The following PARG variants were observed in gnomAD, a reference collection of about 807,000 sequenced individuals.
The protein encoded by PARG is poly(ADP-ribose) glycohydrolase, also known as mitochondrial poly(ADP-ribose) glycohydrolase.
A neutral mutation model predicts 113.0 loss-of-function variants in PARG; 35 were observed. The ratio of observed to expected loss-of-function variants is 0.31; its 90% CI spans 0.24 to 0.41. PARG has a LOEUF of 0.41. Among genes scored for constraint, PARG ranks in the 10% least tolerant of loss-of-function variants. The probability of loss-of-function intolerance (pLI) is 1.00; values close to 1 mark genes in which losing one functional copy is unlikely to be tolerated. For missense variants in PARG, 797 were observed against 1,169.4 expected, an observed-to-expected ratio of 0.68 and a Z score of 4.64; for synonymous variants, 330 against 409.9, an observed-to-expected ratio of 0.81 and a Z score of 2.36.
chr10:49,892,192 GACAAAAAAGGCATTTTTT>G (rs1170488271), intron 7 of PARG, among the ~76,000 whole-genome samples: 1 of 151,706 alleles, frequency 6.6e-6, no homozygotes, highest in Non-Finnish European at 1.5e-5. Flanking sequence ...CACCAAATAT[GACAAAAAAGGCATTTTTT>G]ACATCACTAA....
chr10:49,941,668 T>C lies in PARG; in HGVS notation c.58A>G (p.Thr20Ala), dbSNP rs1839086102. 2 of 1,596,874 alleles carry C rather than the reference T, an allele frequency of 1.3e-6. No individual in the cohort carries two copies. Among genetic ancestry groups the C allele is most frequent in the Non-Finnish European group, 1.7e-6 (2 of 1,173,138 alleles). The change falls in exon 1 of 18, where the codon ACA becomes GCA. Residue 20 changes from threonine to alanine, a missense_variant. This residue lies in a region of PARG where 27 missense variants were observed against 54.3 expected (regional missense o/e 0.50). Transcript: ENST00000616448. ...GCGTCCGAAGCAGCCGGCGAAGTTG[T>C]AGCGGCGCCCCAGCGGGGTCGCTTG... ...CTKRPRWGAA[T>A]TSPAASDARS...
chr10:49,913,380 AT>A (rs1396748805), intron 7 of PARG, among the ~76,000 whole-genome samples: 1 of 152,246 alleles, frequency 6.6e-6, no homozygotes. Flanking sequence ...TGAGCAGACA[AT>A]TTATCAATTT....
chr10:49,910,458 T>C (rs1837111120), intron 7 of PARG, among the ~76,000 whole-genome samples: 1 of 152,128 alleles, frequency 6.6e-6, no homozygotes, highest in African/African-American at 2.4e-5. Context: ...AAATGTCCTC[T>C]CCTTCCTGTA....
At chr10:49,822,298 A>C (rs1364801204) in intron 16 of PARG, among the ~76,000 whole-genome samples, 1 of 152,098 alleles carries the variant, frequency 6.6e-6, no homozygotes, top group African/African-American at 2.4e-5. Context: ...AAGGGCCAAA[A>C]GGGAGACACC....
chr10:49,870,456 T>G (rs1428561034), intron 9 of PARG, among the ~76,000 whole-genome samples: 1 of 151,268 alleles, frequency 6.6e-6, no homozygotes, highest in Non-Finnish European at 1.5e-5. Context: ...TAGAGATCCT[T>G]TGCATGGTAA....
Position 49,922,427 on chromosome 10 carries a change from A to C in PARG, c.1579-8T>G, listed in dbSNP as rs1455084112. 1.9e-6 allele frequency: 3 copies of C among 1,609,118 alleles called. No individual in the cohort carries two copies. The African/African-American group carries it at 4.0e-5, about 21-fold the overall frequency. On this transcript the variant is annotated splice_polypyrimidine_tract_variant and splice_region_variant and intron_variant, in intron 5 of 17. Transcript: ENST00000616448. ...CGCAGTTCGCTCACCATTCTTTTGGAAAAAAGAAAAACATATGAGGAAGCT... is the reference window on the plus strand; with the variant it reads ...CGCAGTTCGCTCACCATTCTTTTGGCAAAAAGAAAAACATATGAGGAAGCT...
chr10:49,845,477 T>G (rs570781190), intron 13 of PARG, among the ~76,000 whole-genome samples: 1 of 152,334 alleles, frequency 6.6e-6, no homozygotes, highest in South Asian at 2.1e-4. Flanking sequence ...ACTGGAACTC[T>G]CAGGCATGGG....
At position 49,818,510 on chromosome 10, in the gene PARG, T is replaced by C. The variant is rs1050267064; in HGVS notation, c.*830A>G. ...TTCTCAAACTTTGGTTATATGAATA[T>C]GCCTCAAGCACCACAAAAGAAACAT... On this transcript the variant is annotated 3_prime_UTR_variant, in exon 18 of 18. Coordinates refer to ENST00000616448, the MANE Select transcript of PARG (RefSeq NM_003631.5). 4 of 152,580 alleles carry C rather than the reference T, an allele frequency of 2.6e-5. No homozygotes were observed. Among genetic ancestry groups the C allele is most frequent in the African/African-American group, 7.2e-5 (3 of 41,426 alleles). The allele number at this position is 152,580 out of a possible 1,614,324, so 9.5% of individuals were successfully genotyped here. A position where few individuals can be genotyped will look rare whatever the true frequency, so the allele number is the denominator to read the frequency against.
chr10:49,934,715 G>A (rs1168921090), intron 2 of PARG, among the ~76,000 whole-genome samples: 6 of 152,038 alleles, frequency 3.9e-5, no homozygotes, highest in Non-Finnish European at 5.9e-5. Context: ...CAGGCGTGGT[G>A]GTGGGCGCCT....
intron 16 of PARG, among the ~76,000 whole-genome samples, chr10:49,821,665 C>T (rs1384385837): frequency 6.6e-6 from 1 of 152,150 alleles, no homozygotes; most frequent in Non-Finnish European, 1.5e-5. Context: ...CAGGCATGCG[C>T]CAATGTGCCT....
intron 9 of PARG, among the ~76,000 whole-genome samples, chr10:49,874,228 TA>T (rs1270398585): frequency 5.9e-5 from 9 of 151,448 alleles, no homozygotes; most frequent in African/African-American, 2.2e-4. Context: ...TTCATATGGT[TA>T]ATGTGACAAG....
chr10:49,822,142 AG>A (rs1308042328), intron 16 of PARG, among the ~76,000 whole-genome samples: 2 of 152,198 alleles, frequency 1.3e-5, no homozygotes, highest in Non-Finnish European at 2.9e-5. Flanking sequence ...AATGGAATGG[AG>A]GAAGACAAAA....
intron 4 of PARG, among the ~76,000 whole-genome samples, chr10:49,926,921 T>C (rs1464077969): frequency 6.6e-5 from 10 of 152,190 alleles, no homozygotes; most frequent in African/African-American, 2.2e-4. Flanking sequence ...CAAACACCCC[T>C]ACTTCTCTTG....
At chr10:49,894,300 G>A (rs1360308078) in intron 7 of PARG, among the ~76,000 whole-genome samples, 4 of 150,380 alleles carry the variant, frequency 2.7e-5, no homozygotes. Context: ...CCTTGGCCTC[G>A]CAAAGTGCTG....
chr10:49,927,247 C>A (rs1350839799), intron 4 of PARG, among the ~76,000 whole-genome samples: 2 of 151,440 alleles, frequency 1.3e-5, no homozygotes, highest in Non-Finnish European at 2.9e-5. Flanking sequence ...GCAGAGGTTG[C>A]AGTGAGCTGA....
chr10:49,828,135 C>T (rs1844466227), intron 16 of PARG, among the ~76,000 whole-genome samples: 1 of 140,338 alleles, frequency 7.1e-6, no homozygotes, highest in Non-Finnish European at 1.5e-5. Context: ...TCCTTCTACC[C>T]CAACCATGAG....
At chr10:49,937,475 C>CAAAA (rs34549779) in intron 1 of PARG, among the ~76,000 whole-genome samples, 4 of 120,772 alleles carry the variant, frequency 3.3e-5, no homozygotes, top group Non-Finnish European at 6.9e-5. Context: ...GACTCTGTCT[C>CAAAA]AAAAAAAAAA....
chr10:49,829,791 T>C (rs1640080718), intron 16 of PARG, among the ~76,000 whole-genome samples: 1 of 152,264 alleles, frequency 6.6e-6, no homozygotes, highest in Non-Finnish European at 1.5e-5. Flanking sequence ...AAATGGTTTA[T>C]ATGGCATACA....
intron 7 of PARG, among the ~76,000 whole-genome samples, chr10:49,896,272 T>C (rs1848081236): frequency 6.6e-6 from 1 of 152,122 alleles, no homozygotes; most frequent in Non-Finnish European, 1.5e-5. Context: ...GTTAATAGTT[T>C]TGTTATTGTT....
Sources: allele counts gnomAD v4.1 joint callset (sites outside exome capture counted in the v4.1 genomes callset), GRCh38; gene constraint gnomAD v4.1.1; regional missense constraint gnomAD v4.1.1; transcripts MANE v1.5; gene names NCBI Gene and HGNC (gene_info 2026-07-23, HGNC 2026-07-21).